Variants in CHRM3 observed in about 807,000 individuals in gnomAD.
CHRM3 encodes the protein muscarinic acetylcholine receptor M3.
In CHRM3, 11 loss-of-function variants were observed where a neutral mutation model predicts 41.8. The observed-to-expected ratio is 0.26, with a 90% CI of 0.17 to 0.44. The LOEUF is 0.44. Ranked by LOEUF, CHRM3 falls within the 20% of genes least tolerant of loss-of-function variation. The pLI, the probability that CHRM3 is intolerant of heterozygous loss-of-function variation, is 1.00. For missense variants in CHRM3, 571 were observed against 745.4 expected, an observed-to-expected ratio of 0.77 and a Z score of 2.72; for synonymous variants, 297 against 301.4, an observed-to-expected ratio of 0.99 and a Z score of 0.15.
At chr1:239,614,474 A>G (rs1199018302) in intron 3 of CHRM3, among the ~76,000 whole-genome samples, 2 of 152,186 alleles carry the variant, frequency 1.3e-5, no homozygotes, top group Non-Finnish European at 2.9e-5. Context: ...CAAAGATCCA[A>G]ATGGGCGATG....
chr1:239,530,764 A>C (rs1670348807), intron 2 of CHRM3, among the ~76,000 whole-genome samples: 2 of 152,190 alleles, frequency 1.3e-5, no homozygotes. Context: ...GTGACCTTGA[A>C]GATTGATGAA....
At chr1:239,495,111 G>T (rs1667797370) in intron 2 of CHRM3, among the ~76,000 whole-genome samples, 1 of 152,102 alleles carries the variant, frequency 6.6e-6, no homozygotes, top group African/African-American at 2.4e-5. Context: ...TTATTCCAAT[G>T]GATAATGAAA....
intron 6 of CHRM3, among the ~76,000 whole-genome samples, chr1:239,833,893 T>G (rs941267724): frequency 6.6e-6 from 1 of 152,166 alleles, no homozygotes; most frequent in Admixed American, 6.5e-5. Flanking sequence ...TACACCCACC[T>G]GTTCCTGCAC....
intron 5 of CHRM3, among the ~76,000 whole-genome samples, chr1:239,801,261 A>T (rs1336330687): frequency 2.0e-5 from 3 of 152,168 alleles, no homozygotes; most frequent in African/African-American, 7.2e-5. Flanking sequence ...TTTACCCCCA[A>T]ATACACACCT....
intron 3 of CHRM3, among the ~76,000 whole-genome samples, chr1:239,572,503 A>G (rs1314184570): frequency 6.6e-6 from 1 of 152,194 alleles, no homozygotes; most frequent in Non-Finnish European, 1.5e-5. Context: ...CATCATGATG[A>G]TATACATCTT....
At chr1:239,508,998 C>A (rs1445200217) in intron 2 of CHRM3, among the ~76,000 whole-genome samples, 4 of 152,178 alleles carry the variant, frequency 2.6e-5, no homozygotes, top group African/African-American at 7.2e-5. Flanking sequence ...ACTGGATACA[C>A]AGCAAAAAGA....
At chr1:239,580,411 ACT>A (rs1444909615) in intron 3 of CHRM3, among the ~76,000 whole-genome samples, 1 of 151,336 alleles carries the variant, frequency 6.6e-6, no homozygotes, top group African/African-American at 2.4e-5. Flanking sequence ...GGAAACTAAA[ACT>A]CTTCTCTGCT....
At chr1:239,521,636 A>G (rs1178095998) in intron 2 of CHRM3, among the ~76,000 whole-genome samples, 2 of 152,210 alleles carry the variant, frequency 1.3e-5, no homozygotes, top group Non-Finnish European at 2.9e-5. Flanking sequence ...CACTGGTTTT[A>G]TAGACAGGCA....
intron 1 of CHRM3, among the ~76,000 whole-genome samples, chr1:239,410,763 G>T (rs1661002987): frequency 6.6e-6 from 1 of 152,120 alleles, no homozygotes; most frequent in Non-Finnish European, 1.5e-5. Context: ...TGACTCATCC[G>T]CTTTCTCTAA....
chr1:239,457,187 G>C (rs1447741466), intron 1 of CHRM3, among the ~76,000 whole-genome samples: 7 of 152,196 alleles, frequency 4.6e-5, no homozygotes, highest in African/African-American at 1.7e-4. Context: ...GCCATAGGCA[G>C]GTTACTTAAC....
chr1:239,895,853 A>G (rs1678956538), intron 6 of CHRM3, among the ~76,000 whole-genome samples: 1 of 151,972 alleles, frequency 6.6e-6, no homozygotes, highest in African/African-American at 2.4e-5. Context: ...AGGATTGAAA[A>G]TCTCCTGTTG....
chr1:239,766,134 T>C (rs505783), intron 5 of CHRM3, among the ~76,000 whole-genome samples: 130,107 of 151,828 alleles, frequency 0.86, 55,991 homozygotes, highest in African/African-American at 0.9. Context: ...ATTTTCTTAA[T>C]AAAAATAAGT....
chr1:239,842,771 A>G (rs1371264217), intron 6 of CHRM3, among the ~76,000 whole-genome samples: 1 of 152,118 alleles, frequency 6.6e-6, no homozygotes, highest in Admixed American at 6.5e-5. Context: ...CATTTTAAAC[A>G]CAAAGGATAA....
chr1:239,585,998 A>G (rs1037043591), intron 3 of CHRM3, among the ~76,000 whole-genome samples: 7 of 152,218 alleles, frequency 4.6e-5, no homozygotes, highest in Admixed American at 3.3e-4. Context: ...AACTCAACTA[A>G]TAAATCATAA....
chr1:239,401,593 C>T (rs546932817), intron 1 of CHRM3, among the ~76,000 whole-genome samples: 10 of 151,934 alleles, frequency 6.6e-5, no homozygotes, highest in Non-Finnish European at 1.2e-4. Flanking sequence ...CGGATTTAAG[C>T]GATTCTCCTG....
chr1:239,816,718 G>C (rs960102894), intron 5 of CHRM3, among the ~76,000 whole-genome samples: 2 of 147,452 alleles, frequency 1.4e-5, no homozygotes, highest in African/African-American at 5.0e-5. Flanking sequence ...TATCCAGCCT[G>C]TCTGTGCCTC....
intron 6 of CHRM3, among the ~76,000 whole-genome samples, chr1:239,861,608 T>C (rs1023002223): frequency 1.3e-5 from 2 of 152,034 alleles, no homozygotes; most frequent in Non-Finnish European, 2.9e-5. Flanking sequence ...TGGGACCAAG[T>C]TGGGCAAGGT....
chr1:239,451,053 C>G (rs1487205678), intron 1 of CHRM3, among the ~76,000 whole-genome samples: 1 of 151,996 alleles, frequency 6.6e-6, no homozygotes, highest in African/African-American at 2.4e-5. Context: ...AGACCCCTGT[C>G]TCTACAAATA....
chr1:239,691,472 G>A (rs192561234), intron 5 of CHRM3, among the ~76,000 whole-genome samples: 1 of 151,986 alleles, frequency 6.6e-6, no homozygotes, highest in East Asian at 1.9e-4. Flanking sequence ...TCATCATTTA[G>A]CCAAGACACA....
Sources: allele counts gnomAD v4.1 joint callset (sites outside exome capture counted in the v4.1 genomes callset), GRCh38; gene constraint gnomAD v4.1.1; transcripts MANE v1.5; gene names NCBI Gene and HGNC (gene_info 2026-07-23, HGNC 2026-07-21).